The following MMP24 variants were observed in gnomAD, a reference collection of about 807,000 sequenced individuals.
MMP24 encodes the protein matrix metallopeptidase 24.
A neutral mutation model predicts 62.8 loss-of-function variants in MMP24; 25 were observed. That is an observed-to-expected ratio of 0.40 (90% CI 0.29 to 0.56). MMP24 has a LOEUF of 0.56. Among genes scored for constraint, MMP24 ranks in the 20% least tolerant of loss-of-function variants. MMP24 has a pLI of 0.50. For synonymous variants in MMP24, 319 were observed against 350.5 expected (o/e 0.91, Z 1.00); for missense variants, 634 against 853.6 (o/e 0.74, Z 3.21).
rs149087683 is a variant in MMP24, at chr20:35,234,139, C to T, written c.246+7155C>T. Among the ~76,000 whole-genome samples, 929 of 152,266 alleles carry T rather than the reference C, an allele frequency of 6.1e-3. 8 individuals are homozygous for T. The highest frequency in any genetic ancestry group is 0.021 in the African/African-American group (889 of 41,550). ...TCCCTCTCTTTTTCTAATATACAGG[C>T]TCCTTCCCATTCAGGAATTCAGTAA... On this transcript the variant is annotated intron_variant, in intron 1 of 8. Transcript: ENST00000246186.
In MMP24 at chr20:35,243,642, G is replaced by A. The variant is rs2146208409; in HGVS notation, c.247-3198G>A. Among the ~76,000 whole-genome samples the A allele has an allele frequency of 1.3e-5, 2 of 152,200 alleles. 1 individual carries two copies. The highest frequency in any genetic ancestry group is 4.1e-4 in the South Asian group (2 of 4,822). ...AGGAGAAGGAGGAGGAGGAGGAGGA[G>A]ACTCTTACATAATGATTCCAGCCCA... On this transcript the variant is annotated intron_variant, in intron 1 of 8. Transcript: ENST00000246186.
intron 1 of MMP24, among the ~76,000 whole-genome samples, chr20:35,244,707 TG>T (rs1313978728): frequency 1.3e-5 from 2 of 152,332 alleles, no homozygotes; most frequent in East Asian, 3.9e-4. Context: ...TCCAAAGTGC[TG>T]AGATTACAGG....
Position 35,267,302 on chromosome 20 carries a change from C to A in MMP24, c.1077C>A (p.Pro359=), listed in dbSNP as rs1263008839. 1.3e-6 allele frequency: 2 copies of A among 1,599,880 alleles called. No individual in the cohort carries two copies. The highest frequency in any genetic ancestry group is 1.7e-6 in the Non-Finnish European group (2 of 1,173,858). The change falls in exon 6 of 9, where the codon CCC becomes CCA. Residue 359 remains proline, a synonymous_variant. Transcript: ENST00000246186. ...SPSERKHERQ[P]RPPRPPLGDR... Reference sequence around the variant, plus strand: ...CGGAGAGGAAACACGAGCGCCAGCCCAGGCCCCCTCGGCCGCCCCTCGGGG... The same window carrying A: ...CGGAGAGGAAACACGAGCGCCAGCCAAGGCCCCCTCGGCCGCCCCTCGGGG...
intron 4 of MMP24, among the ~76,000 whole-genome samples, chr20:35,257,096 G>A (rs2060578780): frequency 6.6e-6 from 1 of 152,068 alleles, no homozygotes; most frequent in Admixed American, 6.6e-5. Context: ...GGCCATGTTT[G>A]GTGTCTATAG....
chr20:35,243,020 A>G (rs2060496757), intron 1 of MMP24, among the ~76,000 whole-genome samples: 1 of 152,058 alleles, frequency 6.6e-6, no homozygotes, highest in Admixed American at 6.5e-5. Context: ...TCTACTAAAA[A>G]TACAAAAATT....
chr20:35,268,836 G>C (rs1038851165), intron 6 of MMP24, among the ~76,000 whole-genome samples: 5 of 151,936 alleles, frequency 3.3e-5, no homozygotes, highest in Non-Finnish European at 4.4e-5. Context: ...GACCATCCTG[G>C]CTAACATGGT....
chr20:35,267,029 A>G (rs1396783231), intron 5 of MMP24, among the ~76,000 whole-genome samples, 176 bp from the exon 6 acceptor site: 1 of 152,192 alleles, frequency 6.6e-6, no homozygotes, highest in Admixed American at 6.5e-5. Context: ...TGAGAGTCCC[A>G]TTCTAATGGC....
rs1600810048 is a variant in MMP24 at position 35,273,710 on chromosome 20, G to A, written c.1601-562G>A. ...CTGGGCCGCTCAGGCTGTTGCTCGA[G>A]CCCTGGGGTGGTTGCCCAGGGAGTG... On this transcript the variant is annotated intron_variant, in intron 8 of 8. Coordinates refer to ENST00000246186, the MANE Select transcript of MMP24 (RefSeq NM_006690.4). Among the ~76,000 whole-genome samples the A allele has an allele frequency of 2.6e-5, 4 of 152,330 alleles. No homozygotes were observed. The East Asian group carries it at 7.7e-4, about 29-fold the overall frequency.
intron 4 of MMP24, chr20:35,263,547 C>T (rs1312500242): frequency 2.8e-6 from 1 of 359,446 alleles, no homozygotes; most frequent in Non-Finnish European, 5.0e-6. Context: ...CCTGCTCGAC[C>T]CTCCCAGACA....
chr20:35,274,630 T>G lies in MMP24; in HGVS notation c.*21T>G. ...TGTGAGCAGCCCAGAGCCCTCTCTA[T>G]CCACTTGGTCTGGCCAGCCAGGCCC... On this transcript the variant is annotated 3_prime_UTR_variant, in exon 9 of 9. Transcript: ENST00000246186. This position sits in a 1 kb window ranked among gnomAD's most constrained non-coding sequence, Gnocchi z 5.1. 6.4e-7 allele frequency: 1 copy of G among 1,563,902 alleles called. No individual in the cohort carries two copies.
intron 4 of MMP24, among the ~76,000 whole-genome samples, chr20:35,257,963 C>T (rs1030973249): frequency 4.6e-5 from 7 of 152,160 alleles, no homozygotes; most frequent in African/African-American, 7.2e-5. Context: ...TATATTATCT[C>T]GTTTAATTTC....
rs1286461482 is a variant in MMP24, at chr20:35,275,636, G to C, written c.*1027G>C. Reference sequence around the variant, plus strand: ...GTTAGGTGAGGCAGAGATGGCTGCAGGGCCAACACTGGCAGAGCCTGGGAG... The same window carrying C: ...GTTAGGTGAGGCAGAGATGGCTGCACGGCCAACACTGGCAGAGCCTGGGAG... On this transcript the variant is annotated 3_prime_UTR_variant, in exon 9 of 9. Coordinates refer to ENST00000246186, the MANE Select transcript of MMP24 (RefSeq NM_006690.4). 1 of 169,258 alleles carries C rather than the reference G, an allele frequency of 5.9e-6. No homozygotes were observed. Among genetic ancestry groups the C allele is most frequent in the African/African-American group, 2.4e-5 (1 of 42,192 alleles). 10.5% of individuals were successfully genotyped at this position (169,258 alleles called of 1,614,324 possible).
rs142738836 is a variant in MMP24 at position 35,275,200 on chromosome 20, C to T, written c.*591C>T. 5.0e-3 allele frequency: 780 copies of T among 155,818 alleles called. 6 individuals carry two copies. The highest frequency in any genetic ancestry group is 0.017 in the African/African-American group (700 of 41,580). The allele number at this position is 155,818 out of a possible 1,614,324, so 9.7% of individuals were successfully genotyped here. On this transcript the variant is annotated 3_prime_UTR_variant, in exon 9 of 9. Transcript: ENST00000246186. ...AAACCTGCTCCACTTGTCAGGGTCT[C>T]TTCGGAGACCCAGGATTTAGGGTCA...
At chr20:35,251,639 C>T (rs1032699747) in intron 2 of MMP24, among the ~76,000 whole-genome samples, 1 of 152,158 alleles carries the variant, frequency 6.6e-6, no homozygotes, top group African/African-American at 2.4e-5. Context: ...GGTCCTATGA[C>T]TAGTGGTGGA....
intron 8 of MMP24, among the ~76,000 whole-genome samples, chr20:35,273,816 C>CA (rs757707651): frequency 2.5e-4 from 38 of 152,056 alleles, no homozygotes; most frequent in Admixed American, 4.6e-4. Flanking sequence ...TGTGCCAAGC[C>CA]AAAAAAATCC....
intron 8 of MMP24, among the ~76,000 whole-genome samples, chr20:35,272,408 T>C (rs11907661): frequency 0.027 from 4,093 of 152,252 alleles, 115 homozygotes; most frequent in African/African-American, 0.067. Context: ...CTGGCTAATT[T>C]ACATTTTTTT....
At chr20:35,232,532 C>T (rs1047152773) in intron 1 of MMP24, among the ~76,000 whole-genome samples, 5 of 152,072 alleles carry the variant, frequency 3.3e-5, no homozygotes, top group Non-Finnish European at 7.3e-5. Context: ...GATGAGGTTC[C>T]CCAGTTGAGG....
intron 1 of MMP24, among the ~76,000 whole-genome samples, chr20:35,241,029 T>C (rs1228308725): frequency 1.3e-5 from 2 of 152,060 alleles, no homozygotes; most frequent in East Asian, 1.9e-4. Flanking sequence ...GGAGGTGACA[T>C]TGAGCTAGAC....
Position 35,226,780 on chromosome 20 carries a change from GCCGCCGCC to G in MMP24, c.43_50del (p.Pro15AlafsTer78). On this transcript the variant is annotated frameshift_variant, in exon 1 of 9. Coordinates refer to ENST00000246186, the MANE Select transcript of MMP24 (RefSeq NM_006690.4). LOFTEE classifies it high-confidence loss of function. ...GCGGCCGCGCCGCGCCGGGGCCGCC[GCCGCCGCC>G]GCCGCCGCCGGGCCAGGCCCCGCGC... is the stretch of plus-strand genomic sequence containing the variant. 1 of 155,860 alleles carries G rather than the reference GCCGCCGCC, an allele frequency of 6.4e-6. No individual in the cohort carries two copies. Among genetic ancestry groups the G allele is most frequent in the Non-Finnish European group, 7.8e-6 (1 of 128,388 alleles). 9.7% of individuals were successfully genotyped at this position (155,860 alleles called of 1,614,324 possible).
Sources: allele counts gnomAD v4.1 joint callset (sites outside exome capture counted in the v4.1 genomes callset), GRCh38; gene constraint gnomAD v4.1.1; non-coding constraint Gnocchi (gnomAD v3.1); transcripts MANE v1.5; gene names NCBI Gene and HGNC (gene_info 2026-07-23, HGNC 2026-07-21).